SKAP1: variants seen among roughly 807,000 people sequenced by gnomAD.
SKAP1 encodes the protein src kinase associated phosphoprotein 1, also known as src kinase-associated phosphoprotein 1.
SKAP1 carries 44 observed loss-of-function variants against 58.5 expected under a neutral mutation model. The observed-to-expected ratio is 0.75, with a 90% CI of 0.59 to 0.97. The LOEUF (loss-of-function observed/expected upper bound fraction) is 0.97. Ranked by LOEUF, SKAP1 falls within the 50% of genes least tolerant of loss-of-function variation. The probability of loss-of-function intolerance (pLI) is 0.00; values close to 1 mark genes in which losing one functional copy is unlikely to be tolerated. For missense variants in SKAP1, 390 were observed against 435.2 expected, an observed-to-expected ratio of 0.90 and a Z score of 0.92; for synonymous variants, 127 against 149.7, an observed-to-expected ratio of 0.85 and a Z score of 1.11.
chr17:48,289,774 T>C (rs2144072822), intron 4 of SKAP1, among the ~76,000 whole-genome samples: 1 of 142,282 alleles, frequency 7.0e-6, no homozygotes, highest in East Asian at 1.9e-4. Context: ...CACCAATAAG[T>C]ATATATATAT....
At chr17:48,319,519 A>T (rs2066332801) in intron 4 of SKAP1, among the ~76,000 whole-genome samples, 1 of 152,174 alleles carries the variant, frequency 6.6e-6, no homozygotes, top group Non-Finnish European at 1.5e-5. Context: ...GTAGTCAATG[A>T]TGTTGCTCCA....
At chr17:48,171,175 C>T (rs1434294999) in intron 9 of SKAP1, among the ~76,000 whole-genome samples, 1 of 135,286 alleles carries the variant, frequency 7.4e-6, no homozygotes, top group Non-Finnish European at 1.5e-5. Flanking sequence ...GATCTTGACT[C>T]ACTGCAACCT....
At chr17:48,214,134 A>G (rs1293792984) in intron 4 of SKAP1, among the ~76,000 whole-genome samples, 1 of 152,248 alleles carries the variant, frequency 6.6e-6, no homozygotes, top group African/African-American at 2.4e-5. Flanking sequence ...CTGGCTTAGT[A>G]TTATAGCTAA....
At chr17:48,253,616 C>G (rs1057187606) in intron 4 of SKAP1, among the ~76,000 whole-genome samples, 2 of 152,080 alleles carry the variant, frequency 1.3e-5, no homozygotes, top group Non-Finnish European at 2.9e-5. Context: ...GCATAGGTGC[C>G]GGACTCATCT....
chr17:48,362,558 A>G (rs2066950079), intron 3 of SKAP1, among the ~76,000 whole-genome samples: 1 of 152,232 alleles, frequency 6.6e-6, no homozygotes, highest in African/African-American at 2.4e-5. Flanking sequence ...CCACTGCTCA[A>G]TCTATGTTTT....
At chr17:48,154,482 C>A (rs1399622484) in intron 11 of SKAP1, among the ~76,000 whole-genome samples, 1 of 152,120 alleles carries the variant, frequency 6.6e-6, no homozygotes, top group Admixed American at 6.5e-5. Context: ...TATGCGTACC[C>A]AACTTGTTGC....
At chr17:48,264,782 A>ACACACACACACC (rs1555609823) in intron 4 of SKAP1, among the ~76,000 whole-genome samples, 5 of 147,086 alleles carry the variant, frequency 3.4e-5, no homozygotes, top group East Asian at 2.0e-4. Context: ...ACACACACAC[A>ACACACACACACC]CCCTCCATCT....
chr17:48,212,376 A>C (rs751295855), intron 4 of SKAP1, among the ~76,000 whole-genome samples: 6 of 152,198 alleles, frequency 3.9e-5, no homozygotes, highest in Non-Finnish European at 7.3e-5. Context: ...CCTCTTGCCT[A>C]AGGAAGGACT....
At chr17:48,297,018 C>A (rs998949529) in intron 4 of SKAP1, among the ~76,000 whole-genome samples, 1 of 152,098 alleles carries the variant, frequency 6.6e-6, no homozygotes, top group African/African-American at 2.4e-5. Flanking sequence ...TCCTAACTCA[C>A]ATATTTCTAG....
intron 4 of SKAP1, chr17:48,344,292 C>G: frequency 1.0e-5 from 6 of 598,088 alleles, no homozygotes; most frequent in Non-Finnish European, 1.0e-5. Context: ...TTTATAGTAC[C>G]CCTTCTTCTA....
intron 1 of SKAP1, among the ~76,000 whole-genome samples, chr17:48,412,891 C>G (rs1473528682): frequency 6.6e-6 from 1 of 151,904 alleles, no homozygotes; most frequent in African/African-American, 2.4e-5. Flanking sequence ...CCTTTCAAAA[C>G]ACTTTAGGAG....
At chr17:48,380,079 A>T (rs1262437606) in intron 2 of SKAP1, 1 of 152,274 alleles carries the variant, frequency 6.6e-6, no homozygotes, top group African/African-American at 2.4e-5. Flanking sequence ...ATGGACTTTG[A>T]TCTAAAAGCT....
rs2065344231 is a variant in SKAP1, at chr17:48,250,046, T to G, written c.281-60546A>C. On this transcript the variant is annotated intron_variant, in intron 4 of 12. Coordinates refer to ENST00000336915, the MANE Select transcript of SKAP1 (RefSeq NM_003726.4). ...TCACTCATGCTGCCATTAAAATATCTCCTGCCTTTTCTCACATACTCATTC... is the reference window on the plus strand; with the variant it reads ...TCACTCATGCTGCCATTAAAATATCGCCTGCCTTTTCTCACATACTCATTC... Among the ~76,000 whole-genome samples the G allele has an allele frequency of 1.3e-5, 2 of 151,644 alleles. 1 individual carries two copies. Among genetic ancestry groups the G allele is most frequent in the South Asian group, 4.2e-4 (2 of 4,766 alleles).
chr17:48,239,286 G>A (rs2065216855), intron 4 of SKAP1, among the ~76,000 whole-genome samples: 1 of 152,222 alleles, frequency 6.6e-6, no homozygotes, highest in African/African-American at 2.4e-5. Flanking sequence ...GACCCAGGCT[G>A]AGGGCAGATC....
rs142691488 is a variant in SKAP1, at chr17:48,252,700, A to T, written c.281-63200T>A. Among the ~76,000 whole-genome samples, 184 of 144,780 alleles carry T rather than the reference A, an allele frequency of 1.3e-3. 1 individual carries two copies. The highest frequency in any genetic ancestry group is 4.6e-3 in the African/African-American group (181 of 38,942). The allele number at this position is 144,780 out of a possible 152,430, so 95.0% of individuals were successfully genotyped here. A position where few individuals can be genotyped will look rare whatever the true frequency, so the allele number is the denominator to read the frequency against. ...ATCAGACTGTGTGATAAAAATGGCC[A>T]AAGCTCTAAGCTAGTGTGTGTGTGT... On this transcript the variant is annotated intron_variant, in intron 4 of 12. Coordinates refer to ENST00000336915, the MANE Select transcript of SKAP1 (RefSeq NM_003726.4).
chr17:48,147,365 T>C (rs545452699), intron 11 of SKAP1, among the ~76,000 whole-genome samples: 8 of 152,238 alleles, frequency 5.3e-5, no homozygotes, highest in African/African-American at 9.6e-5. Context: ...GAGTAACTTG[T>C]ACTATTCCAG....
chr17:48,423,572 T>C lies in SKAP1; in HGVS notation c.46+6503A>G, dbSNP rs2067820344. On this transcript the variant is annotated intron_variant, in intron 1 of 12. Transcript: ENST00000336915. ...GCAGCTGAAATGTCGCTAGCACAACTGAGGAACCAACTTTTTTTTTGTATT... is the reference window on the plus strand; with the variant it reads ...GCAGCTGAAATGTCGCTAGCACAACCGAGGAACCAACTTTTTTTTTGTATT... 2.6e-5 allele frequency among the ~76,000 whole-genome samples: 4 copies of C among 152,104 alleles called. No individual in the cohort carries two copies. The South Asian group carries it at 8.3e-4, about 32-fold the overall frequency.
intron 2 of SKAP1, among the ~76,000 whole-genome samples, chr17:48,373,921 T>C (rs527323772): frequency 7.9e-5 from 12 of 152,364 alleles, no homozygotes; most frequent in Admixed American, 2.6e-4. Flanking sequence ...AGTGTTATTT[T>C]ACCTGTGACT....
intron 4 of SKAP1, among the ~76,000 whole-genome samples, chr17:48,238,580 A>G (rs890007574): frequency 1.3e-5 from 2 of 151,078 alleles, no homozygotes; most frequent in South Asian, 2.1e-4. Flanking sequence ...CCTATGTTGC[A>G]CAGGATGGTC....
Sources: gnomAD v4.1 joint callset for allele counts (sites outside exome capture counted in the v4.1 genomes callset) on GRCh38, gnomAD v4.1.1 for gene constraint, MANE v1.5 for transcripts, NCBI Gene and HGNC (gene_info 2026-07-23, HGNC 2026-07-21) for gene names.